Variants in ZC3H12C observed in about 807,000 individuals in gnomAD.
The protein encoded by ZC3H12C is zinc finger CCCH-type containing 12C.
A neutral mutation model predicts 76.3 loss-of-function variants in ZC3H12C; 20 were observed. The ratio of observed to expected loss-of-function variants is 0.26; its 90% CI spans 0.18 to 0.38. The LOEUF is 0.38. ZC3H12C is among the 10% of genes least tolerant of loss of function. ZC3H12C has a pLI of 1.00. For synonymous variants in ZC3H12C, 352 were observed against 399.6 expected (o/e 0.88, Z 1.42); for missense variants, 874 against 1,086.5 (o/e 0.80, Z 2.75).
Position 110,136,859 on chromosome 11 carries a change from T to TG in ZC3H12C, c.222dup (p.Lys75GlufsTer3), listed in dbSNP as rs1376086384. The TG allele has an allele frequency of 6.2e-7, 1 of 1,613,604 alleles. No homozygotes were observed. The highest frequency in any genetic ancestry group is 8.5e-7 in the Non-Finnish European group (1 of 1,179,832). On this transcript the variant is annotated frameshift_variant, in exon 2 of 6. Coordinates refer to ENST00000278590, the MANE Select transcript of ZC3H12C (RefSeq NM_033390.2). LOFTEE classifies it high-confidence loss of function. Reference sequence around the variant, plus strand: ...AACCCAAGTATGGATACCGTTAATGTGGGGAAGGATGAAAAAGAGGCGTCT... The same window carrying TG: ...AACCCAAGTATGGATACCGTTAATGTGGGGGAAGGATGAAAAAGAGGCGTCT...
At chr11:110,121,924 C>G (rs774801491) in intron 1 of ZC3H12C, among the ~76,000 whole-genome samples, 7 of 152,100 alleles carry the variant, frequency 4.6e-5, no homozygotes, top group Non-Finnish European at 1.0e-4. Context: ...TGTTTACACA[C>G]TCTTATGGAC....
intron 1 of ZC3H12C, among the ~76,000 whole-genome samples, chr11:110,103,585 C>T (rs1861258983): frequency 6.6e-6 from 1 of 150,482 alleles, no homozygotes; most frequent in African/African-American, 2.4e-5. Context: ...TGTTAAGTAG[C>T]TTGGCCCAAG....
At chr11:110,135,845 G>A (rs1861949138) in intron 1 of ZC3H12C, 1 of 152,056 alleles carries the variant, frequency 6.6e-6, no homozygotes. Context: ...TATCATCTCT[G>A]CTTTCCGTAA....
intron 1 of ZC3H12C, among the ~76,000 whole-genome samples, chr11:110,107,818 G>A (rs1238264504): frequency 1.3e-5 from 2 of 151,934 alleles, no homozygotes; most frequent in East Asian, 3.9e-4. Flanking sequence ...GTGAGCCACT[G>A]CACCTGGCCA....
intron 2 of ZC3H12C, among the ~76,000 whole-genome samples, chr11:110,138,117 A>G (rs1399336981): frequency 6.6e-6 from 1 of 151,908 alleles, no homozygotes; most frequent in Non-Finnish European, 1.5e-5. Context: ...TATATTTAAA[A>G]TAAAATTTTA....
At chr11:110,106,951 T>C (rs1217613208) in intron 1 of ZC3H12C, among the ~76,000 whole-genome samples, 6 of 152,208 alleles carry the variant, frequency 3.9e-5, no homozygotes, top group Non-Finnish European at 7.3e-5. Flanking sequence ...CAGTGCTGGT[T>C]AGTAGTAGGC....
At chr11:110,146,818 A>G (rs1862180587) in intron 2 of ZC3H12C, among the ~76,000 whole-genome samples, 1 of 152,066 alleles carries the variant, frequency 6.6e-6, no homozygotes, top group African/African-American at 2.4e-5. Context: ...CCATCCACAT[A>G]CCTTTTCTTT....
chr11:110,143,815 G>A (rs982811833), intron 2 of ZC3H12C, among the ~76,000 whole-genome samples: 1 of 152,082 alleles, frequency 6.6e-6, no homozygotes, highest in Non-Finnish European at 1.5e-5. Flanking sequence ...GAGCCACCGT[G>A]CCCAGCCTAA....
chr11:110,109,853 GGATTTTTA>G (rs1391411012), intron 1 of ZC3H12C, among the ~76,000 whole-genome samples: 1 of 151,942 alleles, frequency 6.6e-6, no homozygotes, highest in Non-Finnish European at 1.5e-5. Context: ...GCAGATAGTG[GGATTTTTA>G]GATGGTTGGC....
intron 1 of ZC3H12C, among the ~76,000 whole-genome samples, chr11:110,129,095 C>A (rs1389668460): frequency 6.6e-6 from 1 of 151,920 alleles, no homozygotes; most frequent in Admixed American, 6.6e-5. Flanking sequence ...ATTGCTATAA[C>A]CCTTAGCAGA....
At chr11:110,150,534 G>A (rs192455088) in intron 2 of ZC3H12C, among the ~76,000 whole-genome samples, 143 of 152,154 alleles carry the variant, frequency 9.4e-4, no homozygotes, top group African/African-American at 3.2e-3. Flanking sequence ...GTGAAAGAGT[G>A]TATTGTATGT....
intron 1 of ZC3H12C, among the ~76,000 whole-genome samples, chr11:110,119,168 A>G (rs1861611168): frequency 6.6e-6 from 1 of 152,228 alleles, no homozygotes. Context: ...AGTGGAACAC[A>G]ACTGGAAGTA....
At chr11:110,156,267 A>G (rs1289431640) in intron 3 of ZC3H12C, among the ~76,000 whole-genome samples, 1 of 152,192 alleles carries the variant, frequency 6.6e-6, no homozygotes, top group Non-Finnish European at 1.5e-5. Context: ...TCACTGCAAC[A>G]AAAAAGACCC....
intron 3 of ZC3H12C, among the ~76,000 whole-genome samples, chr11:110,153,793 A>C (rs1487909662): frequency 6.6e-6 from 1 of 152,254 alleles, no homozygotes; most frequent in Admixed American, 6.5e-5. Context: ...ATGTAAGACC[A>C]TAAGATGTGC....
intron 3 of ZC3H12C, among the ~76,000 whole-genome samples, chr11:110,156,383 A>C (rs966904077): frequency 6.6e-6 from 1 of 152,214 alleles, no homozygotes; most frequent in African/African-American, 2.4e-5. Flanking sequence ...GCTATGTATC[A>C]AGTGCTGTGC....
At chr11:110,102,264 G>A (rs1359676827) in intron 1 of ZC3H12C, among the ~76,000 whole-genome samples, 1 of 149,038 alleles carries the variant, frequency 6.7e-6, no homozygotes. Context: ...CATACTAGAT[G>A]CCATCAGGAA....
At chr11:110,120,127 G>T (rs982656539) in intron 1 of ZC3H12C, among the ~76,000 whole-genome samples, 9 of 152,120 alleles carry the variant, frequency 5.9e-5, no homozygotes, top group Admixed American at 2.0e-4. Flanking sequence ...GAGAGGAGAG[G>T]ACTTGCTTTG....
Position 110,112,991 on chromosome 11 carries a change from G to GC in ZC3H12C, c.21+19567dup, listed in dbSNP as rs202160093. Among the ~76,000 whole-genome samples, 177 of 73,778 alleles carry GC rather than the reference G, an allele frequency of 2.4e-3. 3 individuals are homozygous for GC. The East Asian group carries it at 0.12, about 52-fold the overall frequency. 48.4% of individuals were successfully genotyped at this position (73,778 alleles called of 152,430 possible). The stretch of plus-strand genomic sequence containing the variant: ...AGTCTCCTGGTTTAAAGTTCTTATC[G>GC]CCCCCCCCTACCAAAAAAAAAGATT... On this transcript the variant is annotated intron_variant, in intron 1 of 5. Transcript: ENST00000278590.
At chr11:110,105,062 A>G (rs1268275400) in intron 1 of ZC3H12C, among the ~76,000 whole-genome samples, 1 of 152,124 alleles carries the variant, frequency 6.6e-6, no homozygotes, top group African/African-American at 2.4e-5. Context: ...ATCTGTACTC[A>G]TTTCCTATTC....
Sources: allele counts gnomAD v4.1 joint callset (sites outside exome capture counted in the v4.1 genomes callset), GRCh38; gene constraint gnomAD v4.1.1; transcripts MANE v1.5; gene names NCBI Gene and HGNC (gene_info 2026-07-23, HGNC 2026-07-21).